Variants in EIF4H observed in about 807,000 individuals in gnomAD.
EIF4H encodes Williams-Beuren syndrome chromosome region 1.
In EIF4H, 8 loss-of-function variants were observed where a neutral mutation model predicts 30.6. The observed-to-expected ratio is 0.26, with a 90% CI of 0.15 to 0.47. The LOEUF is 0.47. Among genes scored for constraint, EIF4H ranks in the 20% least tolerant of loss-of-function variants. The pLI is 0.99. For synonymous variants in EIF4H, 106 were observed against 122.7 expected (o/e 0.86, Z 0.90); for missense variants, 188 against 339.5 (o/e 0.55, Z 3.51).
At chr7:74,190,204 G>C (rs1801172533) in intron 4 of EIF4H, 43 bp from the exon 5 acceptor site, 1 of 1,590,158 alleles carries the variant, frequency 6.3e-7, no homozygotes, top group African/African-American at 1.3e-5. Context: ...GCGCAGCAAG[G>C]TAATGACACG....
Position 74,196,530 on chromosome 7 carries a change from T to A in EIF4H, c.*1222T>A, listed in dbSNP as rs1406048467. ...GTGGGAGTGCTAGGGGTTAGGCTTT[T>A]GAGCTTGAACGCCTGCGTGTGAACA... On this transcript the variant is annotated 3_prime_UTR_variant, in exon 7 of 7. Transcript: ENST00000265753. 5.3e-5 allele frequency: 8 copies of A among 152,250 alleles called. No homozygotes were observed. The highest frequency in any genetic ancestry group is 1.2e-4 in the Non-Finnish European group (8 of 68,054). The allele number at this position is 152,250 out of a possible 1,614,324, so 9.4% of individuals were successfully genotyped here. A position where few individuals can be genotyped will look rare whatever the true frequency, so the allele number is the denominator to read the frequency against.
At position 74,196,848 on chromosome 7, in the gene EIF4H, A is replaced by C. The variant is rs1554710843; in HGVS notation, c.*1540A>C. 1 of 152,376 alleles carries C rather than the reference A, an allele frequency of 6.6e-6. No individual in the cohort carries two copies. Among genetic ancestry groups the C allele is most frequent in the African/African-American group, 2.4e-5 (1 of 41,426 alleles). The allele number at this position is 152,376 out of a possible 1,614,324, so 9.4% of individuals were successfully genotyped here. On this transcript the variant is annotated 3_prime_UTR_variant, in exon 7 of 7. Transcript: ENST00000265753. ...ACCATTTGTGTAACACCAACACTTA[A>C]CTTCAGAAAGACATGCATTATGTGG...
intron 1 of EIF4H, 147 bp downstream of exon 1, chr7:74,174,589 C>T (rs1800792629): frequency 4.2e-6 from 3 of 722,844 alleles, no homozygotes; most frequent in East Asian, 9.7e-5. Context: ...GGGCCGGGGC[C>T]TGGAAATGGC....
rs1319914996 is a variant in EIF4H at position 74,174,568 on chromosome 7, C to T, written c.59+126C>T. ...GCGGGGGCCCGCGGAGGCCTAGGAGCGGCGCCTGGAGGGCCGGGGCCTGGA... is the reference window on the plus strand; with the variant it reads ...GCGGGGGCCCGCGGAGGCCTAGGAGTGGCGCCTGGAGGGCCGGGGCCTGGA... On this transcript the variant is annotated intron_variant, in intron 1 of 6. Transcript: ENST00000265753. The T allele has an allele frequency of 1.7e-5, 16 of 936,558 alleles. No individual in the cohort carries two copies. The East Asian group carries it at 2.2e-4, about 13-fold the overall frequency. 58.0% of individuals were successfully genotyped at this position (936,558 alleles called of 1,614,324 possible).
At chr7:74,188,875 C>T (rs1302783899) in intron 2 of EIF4H, among the ~76,000 whole-genome samples, 2 of 152,140 alleles carry the variant, frequency 1.3e-5, no homozygotes, top group African/African-American at 2.4e-5. Context: ...CCTGGGGGGA[C>T]ATCCCTCCAG....
At chr7:74,182,980 G>T (rs1220622856) in intron 1 of EIF4H, among the ~76,000 whole-genome samples, 1 of 152,080 alleles carries the variant, frequency 6.6e-6, no homozygotes, top group African/African-American at 2.4e-5. Context: ...CAGATTTTCT[G>T]CAGTCCTTTG....
intron 5 of EIF4H, among the ~76,000 whole-genome samples, chr7:74,193,934 T>TA (rs1271070406): frequency 2.0e-5 from 3 of 152,306 alleles, no homozygotes; most frequent in South Asian, 2.1e-4. Context: ...GTTATACAGT[T>TA]AAAGTTTAGC....
intron 5 of EIF4H, among the ~76,000 whole-genome samples, chr7:74,190,681 C>T (rs782534446): frequency 7.9e-5 from 12 of 152,170 alleles, no homozygotes; most frequent in African/African-American, 1.9e-4. Context: ...TGGGTTCTTA[C>T]ATGGTGAAAG....
intron 1 of EIF4H, among the ~76,000 whole-genome samples, chr7:74,182,203 A>G (rs1282173313): frequency 6.6e-6 from 1 of 152,222 alleles, no homozygotes; most frequent in African/African-American, 2.4e-5. Context: ...AACACGAACC[A>G]AAGCATAATA....
At chr7:74,178,266 G>A (rs1484431879) in intron 1 of EIF4H, among the ~76,000 whole-genome samples, 2 of 151,990 alleles carry the variant, frequency 1.3e-5, no homozygotes, top group African/African-American at 2.4e-5. Flanking sequence ...ATTAAGCTTT[G>A]TGGCTGGGTG....
chr7:74,194,839 C>T lies in EIF4H; in HGVS notation c.568C>T (p.Leu190Phe). Reference protein sequence around the residue: ...MGSRFRDGPPLRGSNMDFREP... With the variant: ...MGSRFRDGPPFRGSNMDFREP... Reference sequence around the variant, plus strand: ...CAGCCGCTTCAGAGATGGCCCTCCCCTCCGTGGATCCAACATGGATTTCAG... The same window carrying T: ...CAGCCGCTTCAGAGATGGCCCTCCCTTCCGTGGATCCAACATGGATTTCAG... Residue 190 changes from leucine (L) to phenylalanine (F), a missense_variant, in exon 6 of 7, where the codon CTC (leucine) becomes TTC (phenylalanine). By Grantham distance (22) the Leu-to-Phe change is conservative (BLOSUM62 0). This residue lies in a region of EIF4H where 76 missense variants were observed against 85.8 expected (regional missense o/e 0.89). Coordinates refer to ENST00000265753, the MANE Select transcript of EIF4H (RefSeq NM_022170.2). 3 of 1,602,918 alleles carry T rather than the reference C, an allele frequency of 1.9e-6. No individual in the cohort carries two copies. Among genetic ancestry groups the T allele is most frequent in the East Asian group, 2.3e-5 (1 of 44,438 alleles).
chr7:74,177,367 A>C (rs565215838), intron 1 of EIF4H, among the ~76,000 whole-genome samples: 1 of 152,306 alleles, frequency 6.6e-6, no homozygotes, highest in Admixed American at 6.5e-5. Context: ...AAAATGTGCC[A>C]CTTTACCCAT....
chr7:74,180,925 G>A (rs925132539), intron 1 of EIF4H, among the ~76,000 whole-genome samples: 54 of 152,112 alleles, frequency 3.6e-4, no homozygotes, highest in African/African-American at 1.2e-3. Context: ...TTTTAATAGA[G>A]ACAGGGTCTC....
At chr7:74,192,739 A>G (rs1801252105) in intron 5 of EIF4H, among the ~76,000 whole-genome samples, 1 of 135,244 alleles carries the variant, frequency 7.4e-6, no homozygotes, top group Admixed American at 8.6e-5. Flanking sequence ...GTGCAGTGGC[A>G]TGATTTCGGT....
chr7:74,181,615 GAGAT>G (rs1800964180), intron 1 of EIF4H, among the ~76,000 whole-genome samples: 1 of 151,742 alleles, frequency 6.6e-6, no homozygotes, highest in Non-Finnish European at 1.5e-5. Flanking sequence ...ATTTTTAGCA[GAGAT>G]AGAGCAGAAA....
At chr7:74,190,771 C>T (rs1554709801) in intron 5 of EIF4H, among the ~76,000 whole-genome samples, 1 of 151,878 alleles carries the variant, frequency 6.6e-6, no homozygotes, top group Non-Finnish European at 1.5e-5. Context: ...TGCACTTCGC[C>T]GTTCTCTTTC....
rs1230571985 is a variant in EIF4H, at chr7:74,195,528, T to G, written c.*220T>G. On this transcript the variant is annotated 3_prime_UTR_variant, in exon 7 of 7. Transcript: ENST00000265753. ...TAGTGCCTGTTTGTGCGTTTTTTTC[T>G]TTCTTCCGCTGCTTCCCCATTTTCC... 4 of 419,938 alleles carry G rather than the reference T, an allele frequency of 9.5e-6. No individual in the cohort carries two copies. Among genetic ancestry groups the G allele is most frequent in the Non-Finnish European group, 1.7e-5 (4 of 235,932 alleles). The allele number at this position is 419,938 out of a possible 1,614,324, so 26.0% of individuals were successfully genotyped here.
chr7:74,194,538 T>C (rs1554710416), intron 5 of EIF4H, among the ~76,000 whole-genome samples: 2 of 152,216 alleles, frequency 1.3e-5, no homozygotes, highest in African/African-American at 4.8e-5. Flanking sequence ...TTCCTTTTTC[T>C]TTGGGAAGTC....
At chr7:74,185,527 A>G (rs1206605123) in intron 1 of EIF4H, among the ~76,000 whole-genome samples, 4 of 151,960 alleles carry the variant, frequency 2.6e-5, no homozygotes, top group East Asian at 1.9e-4. Context: ...GGAACTTCCT[A>G]TTGGAAAGTA....
Sources: allele counts gnomAD v4.1 joint callset (sites outside exome capture counted in the v4.1 genomes callset), GRCh38; gene constraint gnomAD v4.1.1; regional missense constraint gnomAD v4.1.1; transcripts MANE v1.5; gene names NCBI Gene and HGNC (gene_info 2026-07-23, HGNC 2026-07-21).